SORD: variants seen among roughly 807,000 people sequenced by gnomAD.
SORD encodes (R,R)-butanediol dehydrogenase.
In SORD, 18 loss-of-function variants were observed where a neutral mutation model predicts 35.6. The observed-to-expected ratio is 0.51, with a 90% CI of 0.35 to 0.75. SORD has a LOEUF of 0.75. Among genes scored for constraint, SORD ranks in the 30% least tolerant of loss-of-function variants. SORD has a pLI of 0.01. For missense variants in SORD, 250 were observed against 390.2 expected (o/e 0.64, Z 3.03); for synonymous variants, 106 against 152.9 (o/e 0.69, Z 2.26).
At chr15:45,040,559 A>G (rs948766267) in intron 2 of SORD, 118 bp downstream of exon 2, 26 of 798,668 alleles carry the variant, frequency 3.3e-5, no homozygotes, top group Admixed American at 1.8e-4. Context: ...TGCATCCATT[A>G]AAAACCTATG....
intron 3 of SORD, among the ~76,000 whole-genome samples, chr15:45,059,646 A>T (rs1212792660): frequency 6.6e-6 from 1 of 152,100 alleles, no homozygotes; most frequent in Non-Finnish European, 1.5e-5. Flanking sequence ...TGCACACACC[A>T]CCATGCTCAG....
intron 1 of SORD, among the ~76,000 whole-genome samples, chr15:45,039,753 G>A (rs911728214): frequency 8.5e-5 from 13 of 152,184 alleles, no homozygotes; most frequent in Admixed American, 1.3e-4. Context: ...AAAGAGGTTG[G>A]CAGCACAGAC....
rs771474921 is a variant in SORD at position 45,065,334 on chromosome 15, T to C, written c.489T>C (p.His163=). The change falls in exon 5 of 9, where the codon CAT becomes CAC. Residue 163 remains histidine (H), a synonymous_variant. Coordinates refer to ENST00000267814, the MANE Select transcript of SORD (RefSeq NM_003104.6). ...TCGAGCCACTTTCTGTGGGGATCCA[T>C]GCCTGCAGGAGAGGCGGAGTTACCC... is the stretch of plus-strand genomic sequence containing the variant. ...ALIEPLSVGI[H]ACRRGGVTLG... The C allele has an allele frequency of 6.2e-7, 1 of 1,613,838 alleles. No homozygotes were observed. The highest frequency in any genetic ancestry group is 1.3e-5 in the African/African-American group (1 of 74,916).
At chr15:45,037,173 A>G (rs1892881093) in intron 1 of SORD, among the ~76,000 whole-genome samples, 1 of 152,262 alleles carries the variant, frequency 6.6e-6, no homozygotes, top group South Asian at 2.1e-4. Flanking sequence ...GTTGGTGTGC[A>G]GGGAGAGGAA....
At chr15:45,039,556 A>G (rs1013127194) in intron 1 of SORD, among the ~76,000 whole-genome samples, 5 of 152,176 alleles carry the variant, frequency 3.3e-5, no homozygotes, top group African/African-American at 1.2e-4. Flanking sequence ...GTAAACCAAC[A>G]CTACTACAAC....
At chr15:45,066,184 G>T (rs1893401399) in intron 5 of SORD, among the ~76,000 whole-genome samples, 1 of 148,336 alleles carries the variant, frequency 6.7e-6, no homozygotes, top group Admixed American at 6.7e-5. Context: ...AGCAGAGGTT[G>T]CAGTGAGCCA....
At chr15:45,050,898 A>G (rs1893113715) in intron 3 of SORD, among the ~76,000 whole-genome samples, 1 of 152,234 alleles carries the variant, frequency 6.6e-6, no homozygotes, top group African/African-American at 2.4e-5. Flanking sequence ...TGTTTTAAGC[A>G]GAAAGTTAAA....
At chr15:45,030,431 C>G (rs1892759820) in intron 1 of SORD, among the ~76,000 whole-genome samples, 1 of 152,202 alleles carries the variant, frequency 6.6e-6, no homozygotes, top group African/African-American at 2.4e-5. Context: ...GCTGTTGAAG[C>G]TGGCAGTTTT....
At chr15:45,049,563 T>TA (rs1218013050) in intron 3 of SORD, among the ~76,000 whole-genome samples, 1 of 152,174 alleles carries the variant, frequency 6.6e-6, no homozygotes, top group African/African-American at 2.4e-5. Flanking sequence ...CAGCTATAGT[T>TA]ATGCCTGCCA....
intron 4 of SORD, among the ~76,000 whole-genome samples, 164 bp from the exon 5 acceptor site, chr15:45,065,107 G>C (rs547892044): frequency 3.3e-5 from 5 of 152,196 alleles, no homozygotes; most frequent in African/African-American, 4.8e-5. Flanking sequence ...AGGGATTTAC[G>C]TGAGTTAATG....
intron 1 of SORD, among the ~76,000 whole-genome samples, chr15:45,031,089 G>A (rs1294777413): frequency 6.6e-6 from 1 of 152,262 alleles, no homozygotes; most frequent in African/African-American, 2.4e-5. Flanking sequence ...ACTTTGGGAA[G>A]CTGAGGTGGG....
intron 3 of SORD, 133 bp from the exon 4 acceptor site, chr15:45,060,934 A>G: frequency 2.0e-6 from 3 of 1,524,290 alleles, no homozygotes; most frequent in Non-Finnish European, 1.8e-6. Flanking sequence ...GCATCTGCCC[A>G]TGAGCATGCA....
intron 1 of SORD, among the ~76,000 whole-genome samples, chr15:45,036,933 A>G (rs1892878723): frequency 6.6e-6 from 1 of 152,238 alleles, no homozygotes; most frequent in African/African-American, 2.4e-5. Flanking sequence ...TGTGGCCAAC[A>G]TCATGGCAAG....
intron 4 of SORD, among the ~76,000 whole-genome samples, chr15:45,062,293 TC>T (rs562644760): frequency 3.2e-4 from 49 of 152,336 alleles, no homozygotes; most frequent in South Asian, 1.4e-3. Flanking sequence ...CTGTGCCCAC[TC>T]CCCTACCCTA....
chr15:45,058,497 G>A (rs1438407588), intron 3 of SORD: 2 of 151,894 alleles, frequency 1.3e-5, no homozygotes. Context: ...AAAAAACTAT[G>A]GATAAGAAAC....
chr15:45,052,269 G>A (rs999205778), intron 3 of SORD, among the ~76,000 whole-genome samples: 3 of 152,176 alleles, frequency 2.0e-5, no homozygotes, highest in Admixed American at 1.3e-4. Flanking sequence ...TGCAGAACAG[G>A]TGCCTCAAAC....
At chr15:45,068,157 T>C (rs1315589624) in intron 5 of SORD, 24 bp from the exon 6 acceptor site, 2 of 1,597,924 alleles carry the variant, frequency 1.3e-6, no homozygotes, top group African/African-American at 2.7e-5. Context: ...TTCACGAACA[T>C]ATTCCATCTT....
At chr15:45,030,301 C>T (rs1360526053) in intron 1 of SORD, among the ~76,000 whole-genome samples, 2 of 152,136 alleles carry the variant, frequency 1.3e-5, no homozygotes, top group Admixed American at 6.5e-5. Context: ...AGGGGAGACC[C>T]TAGAATTATG....
intron 1 of SORD, among the ~76,000 whole-genome samples, chr15:45,029,749 G>A (rs1389959035): frequency 6.6e-6 from 1 of 152,256 alleles, no homozygotes; most frequent in Non-Finnish European, 1.5e-5. Context: ...TTGAAGGATG[G>A]TGAAGGTGGA....
Sources: gnomAD v4.1 joint callset for allele counts (sites outside exome capture counted in the v4.1 genomes callset) on GRCh38, gnomAD v4.1.1 for gene constraint, MANE v1.5 for transcripts, NCBI Gene and HGNC (gene_info 2026-07-23, HGNC 2026-07-21) for gene names.